Variants in CEP63 observed in about 807,000 individuals in gnomAD.
CEP63 encodes centrosomal protein of 63 kDa.
A neutral mutation model predicts 89.1 loss-of-function variants in CEP63; 84 were observed. The ratio of observed to expected loss-of-function variants is 0.94; its 90% CI spans 0.79 to 1.13. The LOEUF (loss-of-function observed/expected upper bound fraction) is 1.13. Among genes scored for constraint, CEP63 ranks in the 50% most tolerant of loss-of-function variants. The pLI is 0.00. For synonymous variants in CEP63, 267 were observed against 272.5 expected, an observed-to-expected ratio of 0.98 and a Z score of 0.20; for missense variants, 838 against 813.3, an observed-to-expected ratio of 1.03 and a Z score of -0.37.
chr3:134,710,613 A>T, the CEP63 span, among the ~76,000 whole-genome samples: 2 of 152,002 alleles, frequency 1.3e-5, no homozygotes, highest in African/African-American at 4.8e-5. Flanking sequence ...CGCCCTAAAG[A>T]GCTGCCACTG....
chr3:134,569,791 G>A (rs113147798), downstream of CEP63, among the ~76,000 whole-genome samples: 12 of 152,264 alleles, frequency 7.9e-5, no homozygotes, highest in South Asian at 1.5e-3. Context: ...TTTCCCTTTC[G>A]CACTGCCCTA....
chr3:134,750,031 A>C, the CEP63 span, among the ~76,000 whole-genome samples: 1 of 152,240 alleles, frequency 6.6e-6, no homozygotes, highest in Non-Finnish European at 1.5e-5. Flanking sequence ...GCTAGTAAGC[A>C]AAGGCTCCCC....
At chr3:134,694,716 C>T in the CEP63 span, among the ~76,000 whole-genome samples, 1 of 152,194 alleles carries the variant, frequency 6.6e-6, no homozygotes, top group Non-Finnish European at 1.5e-5. Flanking sequence ...TCATTTTGCT[C>T]TTCTTTTCAG....
intron 10 of CEP63, among the ~76,000 whole-genome samples, chr3:134,582,575 A>G (rs990506560): frequency 6.6e-6 from 1 of 152,224 alleles, no homozygotes; most frequent in Non-Finnish European, 1.5e-5. Context: ...AATCCAGTCT[A>G]TCATTGATGG....
the CEP63 span, chr3:134,629,573 C>A: frequency 1.0e-5 from 15 of 1,469,982 alleles, no homozygotes; most frequent in Middle Eastern, 3.4e-4. Flanking sequence ...CAGCTGCCTT[C>A]AATCCTCTCT....
At chr3:134,670,694 G>A in the CEP63 span, among the ~76,000 whole-genome samples, 7 of 152,198 alleles carry the variant, frequency 4.6e-5, no homozygotes, top group Non-Finnish European at 1.0e-4. Context: ...AAACTGAAAA[G>A]TGTATACCTC....
At chr3:134,619,311 C>A in the CEP63 span, 1 of 1,427,246 alleles carries the variant, frequency 7.0e-7, no homozygotes, top group Non-Finnish European at 9.9e-7. Context: ...GCCTGGGAGG[C>A]GAGAAGACTC....
At chr3:134,547,797 C>T (rs1043936132) in intron 9 of CEP63, among the ~76,000 whole-genome samples, 5 of 151,644 alleles carry the variant, frequency 3.3e-5, no homozygotes, top group East Asian at 1.9e-4. Context: ...TTTGTAGAGA[C>T]GGTGTTTCAC....
the CEP63 span, among the ~76,000 whole-genome samples, chr3:134,712,940 T>C: frequency 6.6e-6 from 1 of 152,234 alleles, no homozygotes; most frequent in Non-Finnish European, 1.5e-5. Context: ...ACTGGTTCCC[T>C]TGGACTGTTC....
chr3:134,706,789 C>T, the CEP63 span, among the ~76,000 whole-genome samples: 1 of 152,160 alleles, frequency 6.6e-6, no homozygotes, highest in Admixed American at 6.5e-5. Context: ...CTGTTCCAAG[C>T]CTCCTTCCCA....
chr3:134,641,541 C>A, the CEP63 span, among the ~76,000 whole-genome samples: 1 of 152,138 alleles, frequency 6.6e-6, no homozygotes. Flanking sequence ...AATGAATGCA[C>A]CCCTAGAGCC....
At chr3:134,608,406 A>G in the CEP63 span, 1 of 1,473,820 alleles carries the variant, frequency 6.8e-7, no homozygotes, top group South Asian at 1.2e-5. Context: ...TTCTGGGTTT[A>G]TGCTAGTGTG....
At position 134,558,444 on chromosome 3, in the gene CEP63, A is replaced by G. The variant is rs756747926; in HGVS notation, c.1673+97A>G. ...TTTGACTTACAGAAATTAAATCTTC[A>G]TCAAAGGACTCTATGTTTAATTCTG... On this transcript the variant is annotated intron_variant, in intron 13 of 14. Coordinates refer to ENST00000675561, the MANE Select transcript of CEP63 (RefSeq NM_001353108.3). The G allele has an allele frequency of 3.2e-4, 276 of 864,644 alleles. 1 individual carries two copies. Among genetic ancestry groups the G allele is most frequent in the Non-Finnish European group, 4.4e-4 (232 of 532,290 alleles). The allele number at this position is 864,644 out of a possible 1,614,324, so 53.6% of individuals were successfully genotyped here.
At chr3:134,718,897 G>A in the CEP63 span, among the ~76,000 whole-genome samples, 1 of 152,182 alleles carries the variant, frequency 6.6e-6, no homozygotes, top group African/African-American at 2.4e-5. Flanking sequence ...CATAGTTTCA[G>A]CGGCTGTGGT....
At chr3:134,660,894 A>C in the CEP63 span, among the ~76,000 whole-genome samples, 2 of 152,142 alleles carry the variant, frequency 1.3e-5, no homozygotes, top group Non-Finnish European at 2.9e-5. Flanking sequence ...GGAAGGGGCA[A>C]GTAAGTCCTC....
intron 6 of CEP63, 100 bp downstream of exon 6, chr3:134,537,368 C>T: frequency 2.6e-6 from 2 of 767,150 alleles, no homozygotes; most frequent in Non-Finnish European, 4.6e-6. Context: ...CCTCTTTCAG[C>T]TTCTCTCCAC....
the CEP63 span, among the ~76,000 whole-genome samples, chr3:134,746,918 C>T: frequency 4.2e-4 from 64 of 152,162 alleles, no homozygotes; most frequent in Non-Finnish European, 8.7e-4. Flanking sequence ...TGTGCAGAAG[C>T]TCTTTAGTTT....
chr3:134,535,369 C>T (rs1212372066), intron 5 of CEP63: 1 of 152,156 alleles, frequency 6.6e-6, no homozygotes, highest in Non-Finnish European at 1.5e-5. Context: ...CTGGTCTCTC[C>T]CAACTCCTTA....
At chr3:134,575,771 C>G (rs1248874802), downstream of CEP63, among the ~76,000 whole-genome samples, 3 of 151,994 alleles carry the variant, frequency 2.0e-5, no homozygotes, top group African/African-American at 7.3e-5. Context: ...GCCACCACAT[C>G]TGGCTAATTT....
Sources: gnomAD v4.1 joint callset for allele counts (sites outside exome capture counted in the v4.1 genomes callset) on GRCh38, gnomAD v4.1.1 for gene constraint, MANE v1.5 for transcripts, NCBI Gene and HGNC (gene_info 2026-07-23, HGNC 2026-07-21) for gene names.